STXBP5L: variants seen among roughly 807,000 people sequenced by gnomAD.
STXBP5L encodes syntaxin binding protein 5L, also known as syntaxin-binding protein 5-like.
STXBP5L carries 65 observed loss-of-function variants against 144.5 expected under a neutral mutation model. The ratio of observed to expected loss-of-function variants is 0.45; its 90% CI spans 0.37 to 0.55. The LOEUF (loss-of-function observed/expected upper bound fraction) is 0.55, where lower values mean the gene tolerates loss of function less well. Ranked by LOEUF, STXBP5L falls within the 20% of genes least tolerant of loss-of-function variation. The pLI, the probability that STXBP5L is intolerant of heterozygous loss-of-function variation, is 0.00. For missense variants in STXBP5L, 1,298 were observed against 1,405.5 expected (o/e 0.92, Z 1.22); for synonymous variants, 505 against 469.6 (o/e 1.08, Z -0.97).
At chr3:121,189,191 A>G (rs1052196592) in intron 9 of STXBP5L, among the ~76,000 whole-genome samples, 5 of 152,146 alleles carry the variant, frequency 3.3e-5, no homozygotes, top group Admixed American at 6.6e-5. Context: ...CTGTGATGGC[A>G]GTTTCTTTTG....
chr3:121,348,724 G>T (rs1190675249), intron 20 of STXBP5L, among the ~76,000 whole-genome samples: 1 of 152,064 alleles, frequency 6.6e-6, no homozygotes, highest in Non-Finnish European at 1.5e-5. Flanking sequence ...ATTTCTTCTA[G>T]ATTTTGTAGT....
intron 3 of STXBP5L, among the ~76,000 whole-genome samples, chr3:120,989,509 A>G (rs1377174673): frequency 1.3e-5 from 2 of 152,070 alleles, no homozygotes; most frequent in South Asian, 2.1e-4. Flanking sequence ...GAGTTGTTTG[A>G]ATTCCTTGTA....
chr3:121,206,212 C>T (rs1315227253), intron 10 of STXBP5L, among the ~76,000 whole-genome samples: 7 of 152,060 alleles, frequency 4.6e-5, no homozygotes, highest in Admixed American at 4.6e-4. Context: ...TTTCAGGATT[C>T]TTAATGAACA....
intron 5 of STXBP5L, among the ~76,000 whole-genome samples, chr3:121,085,038 T>A (rs1461600493): frequency 6.6e-6 from 1 of 152,162 alleles, no homozygotes; most frequent in Non-Finnish European, 1.5e-5. Flanking sequence ...CTATTCATGT[T>A]CTTTGCCCAC....
intron 18 of STXBP5L, among the ~76,000 whole-genome samples, chr3:121,261,300 A>G (rs77696100): frequency 2.6e-5 from 4 of 152,190 alleles, no homozygotes; most frequent in African/African-American, 9.7e-5. Context: ...CCTCCACTGC[A>G]AAAATCCTAG....
intron 5 of STXBP5L, among the ~76,000 whole-genome samples, chr3:121,079,518 G>A (rs1333318372): frequency 1.3e-5 from 2 of 152,070 alleles, no homozygotes; most frequent in Non-Finnish European, 2.9e-5. Context: ...ACTTTAAGAG[G>A]ATTTTAAAAT....
chr3:120,996,258 T>A (rs929121946), intron 3 of STXBP5L, among the ~76,000 whole-genome samples: 2 of 152,058 alleles, frequency 1.3e-5, no homozygotes, highest in African/African-American at 4.8e-5. Flanking sequence ...ATTTGGTGTT[T>A]ACGCAGATTT....
intron 15 of STXBP5L, 107 bp downstream of exon 15, chr3:121,250,870 A>C: frequency 1.1e-6 from 1 of 903,458 alleles, no homozygotes; most frequent in Non-Finnish European, 1.7e-6. Context: ...TATTTTTAGC[A>C]CACATATGTG....
Position 121,206,017 on chromosome 3 carries a change from T to C in STXBP5L, c.956+16T>C. On this transcript the variant is annotated intron_variant, in intron 10 of 26. Coordinates refer to ENST00000471454, the MANE Select transcript of STXBP5L (RefSeq NM_001308330.2). ...GCAAAAACAGGTATGCATTTTTACT[T>C]TAGGGAAAGAGGGATACGAAGCAGA... is the stretch of plus-strand genomic sequence containing the variant. 1.4e-6 allele frequency: 2 copies of C among 1,449,820 alleles called. No homozygotes were observed. The highest frequency in any genetic ancestry group is 9.2e-7 in the Non-Finnish European group (1 of 1,088,546). The allele number at this position is 1,449,820 out of a possible 1,614,324, so 89.8% of individuals were successfully genotyped here.
Position 121,378,875 on chromosome 3 carries a change from T to TTA in STXBP5L, c.2337_2338dup (p.Thr780IlefsTer61). ...GCCTGCATGGAGATTTCTTTACCAG[T>TTA]TACAACAGAAGGTATGTTAAACATA... is the stretch of plus-strand genomic sequence containing the variant. On this transcript the variant is annotated frameshift_variant, in exon 21 of 27. Transcript: ENST00000471454. LOFTEE classifies it high-confidence loss of function. 6.2e-7 allele frequency: 1 copy of TTA among 1,613,072 alleles called. No individual in the cohort carries two copies. Among genetic ancestry groups the TTA allele is most frequent in the Non-Finnish European group, 8.5e-7 (1 of 1,179,484 alleles).
intron 9 of STXBP5L, among the ~76,000 whole-genome samples, chr3:121,194,615 T>G (rs890957957): frequency 6.6e-6 from 1 of 151,724 alleles, no homozygotes; most frequent in African/African-American, 2.4e-5. Flanking sequence ...TCCTCTTCTG[T>G]TTTTTTTGGA....
At chr3:121,081,708 G>A (rs1422860949) in intron 5 of STXBP5L, among the ~76,000 whole-genome samples, 1 of 152,154 alleles carries the variant, frequency 6.6e-6, no homozygotes, top group East Asian at 1.9e-4. Context: ...TCCTGGCTAG[G>A]CACTGGTTGT....
chr3:121,024,410 G>A (rs1328938908), intron 3 of STXBP5L, among the ~76,000 whole-genome samples: 1 of 151,862 alleles, frequency 6.6e-6, no homozygotes, highest in Non-Finnish European at 1.5e-5. Context: ...AAATCTTTTT[G>A]GGGTTACTAC....
At chr3:121,184,846 A>G (rs1024675468) in intron 9 of STXBP5L, among the ~76,000 whole-genome samples, 4 of 152,254 alleles carry the variant, frequency 2.6e-5, no homozygotes, top group Admixed American at 6.5e-5. Context: ...AGGAAAGCCT[A>G]TCGGACTAAC....
chr3:121,082,961 G>A (rs190557073), intron 5 of STXBP5L, among the ~76,000 whole-genome samples: 74 of 152,310 alleles, frequency 4.9e-4, no homozygotes, highest in Admixed American at 4.6e-3. Context: ...CACTTTGGGA[G>A]GCTGAGGCAG....
intron 9 of STXBP5L, among the ~76,000 whole-genome samples, chr3:121,196,574 CT>C (rs1327279179): frequency 6.6e-6 from 1 of 151,730 alleles, no homozygotes; most frequent in South Asian, 2.1e-4. Flanking sequence ...TCTTTATTTC[CT>C]TTTTTCTGTT....
intron 9 of STXBP5L, among the ~76,000 whole-genome samples, chr3:121,159,227 ATTTAG>A: frequency 6.6e-6 from 1 of 152,088 alleles, no homozygotes; most frequent in South Asian, 2.1e-4. Context: ...TTTCATTAAT[ATTTAG>A]TTTGAGATAT....
At chr3:120,958,372 A>T (rs900174567) in intron 3 of STXBP5L, among the ~76,000 whole-genome samples, 3 of 152,212 alleles carry the variant, frequency 2.0e-5, no homozygotes, top group African/African-American at 7.2e-5. Flanking sequence ...TATTCCAATC[A>T]ATAGAAAAAG....
intron 10 of STXBP5L, among the ~76,000 whole-genome samples, chr3:121,222,786 T>G (rs1261354352): frequency 6.6e-6 from 1 of 152,212 alleles, no homozygotes; most frequent in East Asian, 1.9e-4. Flanking sequence ...ATGTTTAGAC[T>G]GGTCCATTAG....
Sources: gnomAD v4.1 joint callset for allele counts (sites outside exome capture counted in the v4.1 genomes callset) on GRCh38, gnomAD v4.1.1 for gene constraint, MANE v1.5 for transcripts, NCBI Gene and HGNC (gene_info 2026-07-23, HGNC 2026-07-21) for gene names.